Variants in WLS observed in about 807,000 individuals in gnomAD.
WLS encodes Wnt ligand secretion mediator, also known as protein wntless homolog.
Under a neutral mutation model 62.8 loss-of-function variants are expected in WLS, and 23 were observed. The observed-to-expected ratio is 0.37, with a 90% CI of 0.26 to 0.52. The LOEUF (loss-of-function observed/expected upper bound fraction) is 0.52. Ranked by LOEUF, WLS falls within the 20% of genes least tolerant of loss-of-function variation. The pLI is 0.92. For missense variants in WLS, 615 were observed against 697.3 expected, an observed-to-expected ratio of 0.88 and a Z score of 1.33; for synonymous variants, 246 against 244.1, an observed-to-expected ratio of 1.01 and a Z score of -0.07.
At chr1:68,102,165 G>A (rs1033975) in intron 11 of WLS, among the ~76,000 whole-genome samples, 31,848 of 152,104 alleles carry the variant, frequency 0.21, 4,022 homozygotes, top group Non-Finnish European at 0.27. Context: ...TGTGTTAGAG[G>A]AAACATTTCT....
intron 2 of WLS, chr1:68,162,744 G>A (rs796855907): frequency 6.1e-6 from 7 of 1,140,674 alleles, no homozygotes; most frequent in Non-Finnish European, 9.3e-6. Context: ...CGAGCTCGCT[G>A]GCAGCCTTGA....
intron 1 of WLS, among the ~76,000 whole-genome samples, chr1:68,221,834 C>T (rs1220948870): frequency 6.6e-6 from 1 of 152,178 alleles, no homozygotes; most frequent in Non-Finnish European, 1.5e-5. Context: ...GAAGAATTTA[C>T]AGTATAATAC....
At chr1:68,103,815 T>G (rs1244030690) in intron 11 of WLS, among the ~76,000 whole-genome samples, 4 of 152,186 alleles carry the variant, frequency 2.6e-5, no homozygotes, top group Non-Finnish European at 5.9e-5. Context: ...GCTTGGGCAC[T>G]GCCAAAAATG....
intron 11 of WLS, chr1:68,098,954 T>C: frequency 4.4e-6 from 3 of 683,944 alleles, no homozygotes; most frequent in Non-Finnish European, 6.7e-6. Flanking sequence ...TAAATCTCAA[T>C]AGCACCTCCT....
At chr1:68,099,221 C>T (rs1293480558) in intron 11 of WLS, among the ~76,000 whole-genome samples, 3 of 151,852 alleles carry the variant, frequency 2.0e-5, no homozygotes, top group Non-Finnish European at 4.4e-5. Context: ...TTTTATATGT[C>T]TTATCATCTT....
Position 68,145,897 on chromosome 1 carries a change from A to T in WLS, c.1250T>A (p.Met417Lys), listed in dbSNP as rs780072895. The T allele has an allele frequency of 6.2e-7, 1 of 1,614,200 alleles. No homozygotes were observed. Among genetic ancestry groups the T allele is most frequent in the South Asian group, 1.1e-5 (1 of 91,086 alleles). Residue 417 changes from methionine to lysine, a missense_variant, in exon 9 of 12, where the codon ATG (methionine) becomes AAG (lysine). Physicochemically the swap from Met to Lys is moderately conservative, Grantham distance 95 (BLOSUM62 -1). Coordinates refer to ENST00000262348, the MANE Select transcript of WLS (RefSeq NM_024911.7). ...ATAGTGTAGCCGCCGGACTTTGCTC[A>T]TAGCTGGCAGGCTGGACTGCTTCCC... ...ISGKQSSLPAMSKVRRLHYEG... is the reference protein window; with the variant it reads ...ISGKQSSLPAKSKVRRLHYEG...
At chr1:68,184,300 C>G (rs1278986353) in intron 2 of WLS, among the ~76,000 whole-genome samples, 1 of 152,180 alleles carries the variant, frequency 6.6e-6, no homozygotes, top group Non-Finnish European at 1.5e-5. Context: ...AAGTGTATGA[C>G]TTGCAGTTGT....
rs149299689 is a variant in WLS, at chr1:68,146,004, G to A, written c.1143C>T (p.Phe381=). 100 of 1,614,102 alleles carry A rather than the reference G, an allele frequency of 6.2e-5. No individual in the cohort carries two copies. In the African/African-American group the frequency reaches 1.2e-3, roughly 19 times the overall value. The change falls in exon 9 of 12, where the codon TTC becomes TTT. Residue 381 remains phenylalanine, a synonymous_variant. Coordinates refer to ENST00000262348, the MANE Select transcript of WLS (RefSeq NM_024911.7). ...AGAGGCAGATTCCAGCCACGATGAT[G>A]AAGGCCATCTGGTCGTGTCCAGTAA... ...TDIGTELAMA[F]IIVAGICLCL...
At chr1:68,213,238 G>C (rs1283314813) in intron 1 of WLS, among the ~76,000 whole-genome samples, 1 of 152,030 alleles carries the variant, frequency 6.6e-6, no homozygotes. Flanking sequence ...ATCACCTGAG[G>C]TCAGAAGTTC....
chr1:68,196,894 G>A (rs776815666), intron 1 of WLS, among the ~76,000 whole-genome samples: 1 of 152,010 alleles, frequency 6.6e-6, no homozygotes, highest in African/African-American at 2.4e-5. Context: ...CAGCTAAATA[G>A]CCCACTGACA....
intron 1 of WLS, among the ~76,000 whole-genome samples, chr1:68,211,210 C>T (rs913030681): frequency 2.2e-4 from 33 of 151,924 alleles, no homozygotes; most frequent in African/African-American, 7.5e-4. Context: ...TAAACCCAAA[C>T]ATTCCTCTTG....
intron 11 of WLS, among the ~76,000 whole-genome samples, chr1:68,101,131 T>C (rs754264617): frequency 2.0e-5 from 3 of 152,182 alleles, no homozygotes; most frequent in Admixed American, 6.5e-5. Flanking sequence ...AACCTTTTGT[T>C]AGAAGTAAAG....
At position 68,159,139 on chromosome 1, in the gene WLS, G is replaced by T; in HGVS notation, c.488C>A (p.Thr163Asn). 1 of 1,614,010 alleles carries T rather than the reference G, an allele frequency of 6.2e-7. No individual in the cohort carries two copies. The highest frequency in any genetic ancestry group is 8.5e-7 in the Non-Finnish European group (1 of 1,179,986). The change falls in exon 3 of 12, where the codon ACC becomes AAC. Residue 163 changes from threonine (T) to asparagine (N), a missense_variant. By Grantham distance (65) the Thr-to-Asn change is moderately conservative (BLOSUM62 0). Coordinates refer to ENST00000262348, the MANE Select transcript of WLS (RefSeq NM_024911.7). ...GGGTCATACCTTGGGAGATGTGAAGGTGCATTTGAGTTTCCGTGGTACTCT... is the reference window on the plus strand; with the variant it reads ...GGGTCATACCTTGGGAGATGTGAAGTTGCATTTGAGTTTCCGTGGTACTCT... ...HERVPRKLKC[T>N]FTSPKTPEHE...
downstream of WLS, among the ~76,000 whole-genome samples, chr1:68,123,106 C>A (rs181423885): frequency 7.2e-5 from 11 of 152,286 alleles, no homozygotes; most frequent in African/African-American, 2.6e-4. Context: ...GACTAAAAAA[C>A]ACAAGTCTCC....
rs745953882 is a variant in WLS at position 68,137,830 on chromosome 1, A to G, written c.1466T>C (p.Met489Thr). ...GMWNLYVFALMFLYAPSHKNY... is the reference protein window; with the variant it reads ...GMWNLYVFALTFLYAPSHKNY... ...TTTATGGGATGGTGCATACAAGAAC[A>G]TCAGAGCAAAGACATACAGATTCCA... is the stretch of plus-strand genomic sequence containing the variant. Residue 489 changes from methionine (M) to threonine (T), a missense_variant, in exon 11 of 12, where the codon ATG becomes ACG. Transcript: ENST00000262348. 1 of 1,614,018 alleles carries G rather than the reference A, an allele frequency of 6.2e-7. No homozygotes were observed. Among genetic ancestry groups the G allele is most frequent in the South Asian group, 1.1e-5 (1 of 91,072 alleles).
In WLS at chr1:68,153,612, G is replaced by A; in HGVS notation, c.708C>T (p.Ala236=). ...QNGGFTKVWF[A]MKTFLTPSIF... ...TGCTGGGCGTAAGGAAGGTCTTCATGGCAAACCACACCTTGGTGAAGCCTC... is the reference window on the plus strand; with the variant it reads ...TGCTGGGCGTAAGGAAGGTCTTCATAGCAAACCACACCTTGGTGAAGCCTC... Residue 236 remains alanine, a synonymous_variant, in exon 5 of 12, where the codon GCC becomes GCT. Transcript: ENST00000262348. 1 of 1,614,196 alleles carries A rather than the reference G, an allele frequency of 6.2e-7. No individual in the cohort carries two copies. Among genetic ancestry groups the A allele is most frequent in the East Asian group, 2.2e-5 (1 of 44,878 alleles).
intron 11 of WLS, among the ~76,000 whole-genome samples, chr1:68,136,861 G>A (rs1445380517): frequency 6.6e-6 from 1 of 152,214 alleles, no homozygotes; most frequent in Non-Finnish European, 1.5e-5. Flanking sequence ...CCTTGGCTCT[G>A]GGGGGCTGCT....
At chr1:68,137,170 T>G (rs931978603) in intron 11 of WLS, among the ~76,000 whole-genome samples, 1 of 152,232 alleles carries the variant, frequency 6.6e-6, no homozygotes, top group Admixed American at 6.5e-5. Flanking sequence ...TTTCTTTATC[T>G]ATAAAATGAC....
chr1:68,167,423 C>T (rs1186752866), intron 2 of WLS, among the ~76,000 whole-genome samples: 2 of 152,106 alleles, frequency 1.3e-5, no homozygotes, highest in Admixed American at 1.3e-4. Context: ...GATGATGTTG[C>T]ATTTAATAAA....
Sources: gnomAD v4.1 joint callset for allele counts (sites outside exome capture counted in the v4.1 genomes callset) on GRCh38, gnomAD v4.1.1 for gene constraint, MANE v1.5 for transcripts, NCBI Gene and HGNC (gene_info 2026-07-23, HGNC 2026-07-21) for gene names.